NT5E: variants seen among roughly 807,000 people sequenced by gnomAD.
The protein encoded by NT5E is 5'-nucleotidase ecto, also known as 5'-nucleotidase.
In NT5E, 53 loss-of-function variants were observed where a neutral mutation model predicts 55.1. That is an observed-to-expected ratio of 0.96 (90% CI 0.77 to 1.21). NT5E has a LOEUF of 1.21. Among genes scored for constraint, NT5E ranks in the 50% most tolerant of loss-of-function variants. The pLI is 0.00. For synonymous variants in NT5E, 270 were observed against 278.4 expected, an observed-to-expected ratio of 0.97 and a Z score of 0.30; for missense variants, 683 against 724.3, an observed-to-expected ratio of 0.94 and a Z score of 0.65.
chr6:85,473,968 T>A (rs1020598856), intron 3 of NT5E, among the ~76,000 whole-genome samples: 2 of 152,206 alleles, frequency 1.3e-5, no homozygotes, highest in Non-Finnish European at 2.9e-5. Flanking sequence ...CATCAGTGAG[T>A]GTGCCCTGAT....
At position 85,450,182 on chromosome 6, in the gene NT5E, G is replaced by C; in HGVS notation, c.43G>C (p.Ala15Pro). 6.2e-7 allele frequency: 1 copy of C among 1,605,940 alleles called. No individual in the cohort carries two copies. Among genetic ancestry groups the C allele is most frequent in the Non-Finnish European group, 8.5e-7 (1 of 1,177,440 alleles). The change falls in exon 1 of 9, where the codon GCC becomes CCC. Residue 15 changes from alanine to proline, a missense_variant. Coordinates refer to ENST00000257770, the MANE Select transcript of NT5E (RefSeq NM_002526.4). This position sits in a 1 kb window ranked among gnomAD's most constrained non-coding sequence, Gnocchi z 4.0. ...AARAPATLLL[A>P]LGAVLWPAAG... is the part of the protein sequence containing the mutation. Reference sequence around the variant, plus strand: ...GCGGGCGCCCGCGACGCTACTCCTCGCCCTGGGCGCGGTGCTGTGGCCTGC... The same window carrying C: ...GCGGGCGCCCGCGACGCTACTCCTCCCCCTGGGCGCGGTGCTGTGGCCTGC...
intron 1 of NT5E, among the ~76,000 whole-genome samples, chr6:85,457,222 G>T (rs1348871176): frequency 1.3e-5 from 2 of 152,166 alleles, no homozygotes; most frequent in African/African-American, 4.8e-5. Context: ...GGACTTACTG[G>T]GCACCATTGG....
chr6:85,493,708 T>C (rs1769833952), intron 8 of NT5E, 133 bp from the exon 9 acceptor site: 1 of 706,262 alleles, frequency 1.4e-6, no homozygotes, highest in Non-Finnish European at 2.4e-6. Flanking sequence ...TTATGATCAC[T>C]AGCGTTCTTG....
intron 4 of NT5E, among the ~76,000 whole-genome samples, chr6:85,486,932 A>G (rs924805263): frequency 2.6e-5 from 4 of 152,182 alleles, no homozygotes; most frequent in Non-Finnish European, 4.4e-5. Flanking sequence ...TGTAGTCACA[A>G]CACAGCCCTC....
At position 85,470,403 on chromosome 6, in the gene NT5E, C is replaced by T. The variant is rs149317935; in HGVS notation, c.563-834C>T. On this transcript the variant is annotated intron_variant, in intron 2 of 8. Transcript: ENST00000257770. ...GCCAGCAACATTTAGATGAGGCCCT[C>T]ATGATTAACACAGAGCTCAATAATG... is the stretch of plus-strand genomic sequence containing the variant. Among the ~76,000 whole-genome samples the T allele has an allele frequency of 8.3e-3, 1,264 of 152,296 alleles. 11 individuals carry two copies. Among genetic ancestry groups the T allele is most frequent in the Non-Finnish European group, 0.012 (818 of 68,026 alleles).
rs1769881191 is a variant in NT5E, at chr6:85,495,726, A to G, written c.*1722A>G. The G allele has an allele frequency of 6.6e-6, 1 of 152,212 alleles. No homozygotes were observed. Among genetic ancestry groups the G allele is most frequent in the African/African-American group, 2.4e-5 (1 of 41,460 alleles). 9.4% of individuals were successfully genotyped at this position (152,212 alleles called of 1,614,324 possible). The stretch of plus-strand genomic sequence containing the variant: ...GTGTGTATTGTGAAGTGGTATAAGA[A>G]ATGACTTTGAACCACTTTGCAATTG... On this transcript the variant is annotated 3_prime_UTR_variant, in exon 9 of 9. Coordinates refer to ENST00000257770, the MANE Select transcript of NT5E (RefSeq NM_002526.4).
intron 1 of NT5E, among the ~76,000 whole-genome samples, chr6:85,457,223 G>A (rs1172973507): frequency 6.6e-6 from 1 of 152,186 alleles, no homozygotes; most frequent in Non-Finnish European, 1.5e-5. Flanking sequence ...GACTTACTGG[G>A]CACCATTGGA....
In NT5E at chr6:85,493,930, G is replaced by A; in HGVS notation, c.1651G>A (p.Gly551Arg). 1 of 1,614,084 alleles carries A rather than the reference G, an allele frequency of 6.2e-7. No individual in the cohort carries two copies. The highest frequency in any genetic ancestry group is 8.5e-7 in the Non-Finnish European group (1 of 1,179,958). The part of the protein sequence containing the change: ...AVEGRIKFST[G>R]SHCHGSFSLI... ...TGAAGGTCGGATCAAGTTTTCCACA[G>A]GAAGTCACTGCCATGGAAGCTTTTC... The change falls in exon 9 of 9, where the codon GGA (glycine) becomes AGA (arginine). Residue 551 changes from glycine (G) to arginine (R), a missense_variant. Transcript: ENST00000257770.
intron 1 of NT5E, among the ~76,000 whole-genome samples, chr6:85,461,894 C>T (rs1769105459): frequency 6.6e-6 from 1 of 152,068 alleles, no homozygotes; most frequent in Non-Finnish European, 1.5e-5. Flanking sequence ...CCTTAGCTCC[C>T]CACTCCTCCC....
intron 1 of NT5E, among the ~76,000 whole-genome samples, chr6:85,459,529 T>C (rs1769051190): frequency 6.6e-6 from 1 of 152,256 alleles, no homozygotes; most frequent in South Asian, 2.1e-4. Flanking sequence ...TTTCAGCCTC[T>C]TGTCATCACT....
At chr6:85,462,153 G>A (rs1769110637) in intron 1 of NT5E, among the ~76,000 whole-genome samples, 1 of 151,788 alleles carries the variant, frequency 6.6e-6, no homozygotes, top group East Asian at 1.9e-4. Flanking sequence ...CACTTGCTGT[G>A]TCACCTCTCC....
chr6:85,466,999 A>C, intron 1 of NT5E, 61 bp from the exon 2 acceptor site: 1 of 1,467,750 alleles, frequency 6.8e-7, no homozygotes, highest in Non-Finnish European at 9.5e-7. Context: ...TTTGAGAAAT[A>C]CTGGACTAAT....
intron 1 of NT5E, among the ~76,000 whole-genome samples, chr6:85,465,909 C>G (rs1484792260): frequency 6.6e-6 from 1 of 152,182 alleles, no homozygotes; most frequent in African/African-American, 2.4e-5. Context: ...ATGGACGGGT[C>G]ACCAGCCAGT....
At chr6:85,466,923 C>T in intron 1 of NT5E, 137 bp from the exon 2 acceptor site, 2 of 797,128 alleles carry the variant, frequency 2.5e-6, no homozygotes, top group South Asian at 1.5e-5. Context: ...ATCTGAATGT[C>T]CCTGGGCCTG....
intron 2 of NT5E, among the ~76,000 whole-genome samples, chr6:85,467,658 C>T (rs1039958772): frequency 1.3e-5 from 2 of 152,144 alleles, no homozygotes; most frequent in Non-Finnish European, 2.9e-5. Flanking sequence ...AGAGTTTTAC[C>T]TCAATTTACC....
chr6:85,464,631 A>G (rs530579167), intron 1 of NT5E, among the ~76,000 whole-genome samples: 1 of 152,282 alleles, frequency 6.6e-6, no homozygotes, highest in East Asian at 1.9e-4. Context: ...TAGAGACCTA[A>G]GGCAGAGAGT....
intron 1 of NT5E, among the ~76,000 whole-genome samples, chr6:85,454,288 A>G (rs902469272): frequency 6.6e-6 from 1 of 152,156 alleles, no homozygotes; most frequent in East Asian, 1.9e-4. Flanking sequence ...GACATCCTCC[A>G]TTCTCTTCCA....
chr6:85,474,056 G>T (rs942924725), intron 3 of NT5E, among the ~76,000 whole-genome samples: 3 of 152,204 alleles, frequency 2.0e-5, no homozygotes, highest in African/African-American at 7.2e-5. Flanking sequence ...TAACAGTACA[G>T]TCATGCCTTA....
chr6:85,485,197 A>G (rs1271657971), intron 3 of NT5E, 38 bp from the exon 4 acceptor site: 8 of 1,601,058 alleles, frequency 5.0e-6, no homozygotes, highest in Non-Finnish European at 6.8e-6. Context: ...ATGTATGTAC[A>G]AGGGCTGACT....
Sources: gnomAD v4.1 joint callset for allele counts (sites outside exome capture counted in the v4.1 genomes callset) on GRCh38, gnomAD v4.1.1 for gene constraint, Gnocchi (gnomAD v3.1) non-coding constraint, MANE v1.5 for transcripts, NCBI Gene and HGNC (gene_info 2026-07-23, HGNC 2026-07-21) for gene names.